The following RASAL1 variants were observed in gnomAD, a reference collection of about 807,000 sequenced individuals.
RASAL1 encodes the protein RAS protein activator like 1.
Under a neutral mutation model 96.6 loss-of-function variants are expected in RASAL1, and 72 were observed. The observed-to-expected ratio is 0.75, with a 90% CI of 0.62 to 0.91. The LOEUF is 0.91. RASAL1 is among the 40% of genes least tolerant of loss of function. RASAL1 has a pLI of 0.00. For missense variants in RASAL1, 1,016 were observed against 1,072.5 expected, an observed-to-expected ratio of 0.95 and a Z score of 0.74; for synonymous variants, 405 against 430.4, an observed-to-expected ratio of 0.94 and a Z score of 0.73.
Position 113,107,151 on chromosome 12 carries a change from C to T in RASAL1, c.1603G>A (p.Val535Ile). ...APLHPFLLQC[V>I]SRVRDFLDRL... ...TCCAGGAAGTCTCTCACACGTGAGA[C>T]ACACTGCAGCAGGAAGGGGTGCAGG... The change falls in exon 15 of 21, where the codon GTC (valine) becomes ATC (isoleucine). Residue 535 changes from valine to isoleucine, a missense_variant. Transcript: ENST00000548055. The T allele has an allele frequency of 6.2e-7, 1 of 1,613,960 alleles. No homozygotes were observed. The highest frequency in any genetic ancestry group is 1.1e-5 in the South Asian group (1 of 91,040).
intron 4 of RASAL1, 84 bp downstream of exon 4, chr12:113,127,728 C>T: frequency 8.7e-7 from 1 of 1,153,818 alleles, no homozygotes; most frequent in Non-Finnish European, 1.3e-6. Flanking sequence ...AGGCTCTGTG[C>T]TTCACCGTGC....
At chr12:113,108,365 G>A in intron 13 of RASAL1, 143 bp from the exon 14 acceptor site, 4 of 1,039,358 alleles carry the variant, frequency 3.8e-6, no homozygotes, top group Non-Finnish European at 5.4e-6. Context: ...GCTGGCCGAG[G>A]AAGTTTTTCC....
chr12:113,118,753 T>C (rs1951177373), intron 7 of RASAL1, among the ~76,000 whole-genome samples: 1 of 152,182 alleles, frequency 6.6e-6, no homozygotes, highest in Non-Finnish European at 1.5e-5. Context: ...TGAGCCTCAA[T>C]GTCCCCATCT....
At chr12:113,133,758 A>AC (rs139876323) in intron 1 of RASAL1, among the ~76,000 whole-genome samples, 39 of 151,526 alleles carry the variant, frequency 2.6e-4, no homozygotes, top group African/African-American at 4.1e-4. Flanking sequence ...GGTGGCCAGA[A>AC]CCCCCCCTGC....
chr12:113,101,356 C>T (rs554801290), intron 19 of RASAL1, among the ~76,000 whole-genome samples: 1 of 152,320 alleles, frequency 6.6e-6, no homozygotes, highest in East Asian at 1.9e-4. Flanking sequence ...GCAGAGGTTG[C>T]AGTGAGCCAA....
chr12:113,118,648 A>G (rs553907114), intron 7 of RASAL1, among the ~76,000 whole-genome samples: 1 of 152,302 alleles, frequency 6.6e-6, no homozygotes, highest in Admixed American at 6.5e-5. Flanking sequence ...AGTAGGAGTT[A>G]AGGGCGTTAA....
chr12:113,128,012 G>C, intron 3 of RASAL1, 53 bp downstream of exon 3: 1 of 1,585,490 alleles, frequency 6.3e-7, no homozygotes, highest in Non-Finnish European at 8.7e-7. Context: ...CTCCCCTCAG[G>C]TGCCCAGGCT....
At chr12:113,107,728 C>G (rs1950702094) in intron 14 of RASAL1, 1 of 389,076 alleles carries the variant, frequency 2.6e-6, no homozygotes. Context: ...TATTCTGTTC[C>G]CTCCCGAGCC....
Position 113,099,999 on chromosome 12 carries a change from A to G in RASAL1, c.2348T>C (p.Leu783Pro). 2 of 1,613,840 alleles carry G rather than the reference A, an allele frequency of 1.2e-6. No homozygotes were observed. The highest frequency in any genetic ancestry group is 1.7e-6 in the Non-Finnish European group (2 of 1,179,798). ...TARLLEVLAD[L>P]DRAHEEFQQQ... is the part of the protein sequence containing the mutation. ...CTGGAACTCCTCGTGGGCACGATCCAGGTCTGCGAGCACCTCCAGCAGGCG... is the reference window on the plus strand; with the variant it reads ...CTGGAACTCCTCGTGGGCACGATCCGGGTCTGCGAGCACCTCCAGCAGGCG... Residue 783 changes from leucine (L) to proline (P), a missense_variant, in exon 21 of 21, where the codon CTG (leucine) becomes CCG (proline). Physicochemically the swap from Leu to Pro is moderately conservative, Grantham distance 98. Transcript: ENST00000548055.
In RASAL1 at chr12:113,114,823, G is replaced by A; in HGVS notation, c.1158C>T (p.Cys386=). Residue 386 remains cysteine, a synonymous_variant, in exon 12 of 21, where the codon TGC becomes TGT. Transcript: ENST00000548055. ...EEKKYMELDP[C]KMDLGRTRRI... ...ACCGGGTGCGGCCCAGGTCCATCTT[G>A]CAGGGATCCAGCTCCATGTACTTCT... 1 of 1,614,066 alleles carries A rather than the reference G, an allele frequency of 6.2e-7. No individual in the cohort carries two copies. The highest frequency in any genetic ancestry group is 8.5e-7 in the Non-Finnish European group (1 of 1,179,930).
intron 14 of RASAL1, 130 bp from the exon 15 acceptor site, chr12:113,107,371 C>A: frequency 1.7e-6 from 2 of 1,153,874 alleles, no homozygotes; most frequent in South Asian, 3.2e-5. Context: ...GCCTGTAATC[C>A]CAGCACTTTG....
At position 113,128,087 on chromosome 12, in the gene RASAL1, C is replaced by A. The variant is rs138125207; in HGVS notation, c.214G>T (p.Val72Leu). 1,032 of 1,613,840 alleles carry A rather than the reference C, an allele frequency of 6.4e-4. No homozygotes were observed. Among genetic ancestry groups the A allele is most frequent in the Non-Finnish European group, 8.5e-4 (1,008 of 1,179,976 alleles). Residue 72 changes from valine (V) to leucine (L), a missense_variant, in exon 3 of 21, where the codon GTG becomes TTG. Coordinates refer to ENST00000548055, the MANE Select transcript of RASAL1 (RefSeq NM_001301202.2). Reference protein sequence around the residue: ...PLDFHQLAFYVLDEDTVGHDD... With the variant: ...PLDFHQLAFYLLDEDTVGHDD... ...AACCCGACAGTGTCCTCATCCAGCA[C>A]GTAGAAGGCCAGCTGGTGGAAATCC...
At chr12:113,100,245 A>G (rs1950393743) in intron 20 of RASAL1, among the ~76,000 whole-genome samples, 177 bp from the exon 21 acceptor site, 1 of 152,218 alleles carries the variant, frequency 6.6e-6, no homozygotes, top group Non-Finnish European at 1.5e-5. Flanking sequence ...AGGAGGACAC[A>G]GGAGACAGTG....
At chr12:113,126,688 TCACACACACACACA>T (rs71455143) in intron 4 of RASAL1, among the ~76,000 whole-genome samples, 6 of 138,944 alleles carry the variant, frequency 4.3e-5, no homozygotes, top group African/African-American at 1.1e-4. Flanking sequence ...TCTCTCTCTC[TCACACACACACACA>T]CACACACACA....
chr12:113,103,969 C>T lies in RASAL1; in HGVS notation c.2081G>A (p.Cys694Tyr). The T allele has an allele frequency of 3.2e-6, 5 of 1,562,102 alleles. No homozygotes were observed. The highest frequency in any genetic ancestry group is 4.3e-6 in the Non-Finnish European group (5 of 1,154,060). ...PGAFRSARWT[C>Y]CLQAERSAAG... ...ACCTGAGCGCTCAGCCTGGAGGCAG[C>T]AGGTCCAGCGCGCGCTGCGGAAGGC... Residue 694 changes from cysteine to tyrosine, a missense_variant, in exon 18 of 21, where the codon TGC becomes TAC. Cys to Tyr is a radical substitution (Grantham distance 194). Coordinates refer to ENST00000548055, the MANE Select transcript of RASAL1 (RefSeq NM_001301202.2).
Position 113,112,082 on chromosome 12 carries a change from G to A in RASAL1, c.1374+4C>T, listed in dbSNP as rs1950882481. On this transcript the variant is annotated splice_donor_region_variant and intron_variant, in intron 13 of 20. Transcript: ENST00000548055. ...CCCAGCCTCAGCCTCCCATCCTGGCGCACCTGGTGCTCGGCCTGGGGGAAG... is the reference window on the plus strand; with the variant it reads ...CCCAGCCTCAGCCTCCCATCCTGGCACACCTGGTGCTCGGCCTGGGGGAAG... The A allele has an allele frequency of 1.6e-6, 2 of 1,239,028 alleles. No individual in the cohort carries two copies. The highest frequency in any genetic ancestry group is 1.0e-6 in the Non-Finnish European group (1 of 989,008). 76.8% of individuals were successfully genotyped at this position (1,239,028 alleles called of 1,614,324 possible).
intron 14 of RASAL1, 70 bp downstream of exon 14, chr12:113,108,015 C>T (rs1950710846): frequency 6.6e-7 from 1 of 1,517,156 alleles, no homozygotes; most frequent in African/African-American, 1.4e-5. Flanking sequence ...TCTGGCCTCC[C>T]AGCTCTGCTC....
intron 4 of RASAL1, 38 bp from the exon 5 acceptor site, chr12:113,121,676 C>T (rs753905223): frequency 1.2e-6 from 2 of 1,608,266 alleles, no homozygotes; most frequent in South Asian, 1.1e-5. Flanking sequence ...GAAGCGCCTA[C>T]CATGTACTGG....
intron 12 of RASAL1, 35 bp from the exon 13 acceptor site, chr12:113,112,313 CACA>C (rs1950898164): frequency 6.4e-6 from 8 of 1,247,860 alleles, no homozygotes; most frequent in Non-Finnish European, 8.1e-6. Context: ...AGCCTCGGGG[CACA>C]ACATCTGCCT....
Sources: allele counts gnomAD v4.1 joint callset (sites outside exome capture counted in the v4.1 genomes callset), GRCh38; gene constraint gnomAD v4.1.1; transcripts MANE v1.5; gene names NCBI Gene and HGNC (gene_info 2026-07-23, HGNC 2026-07-21).